The following PKIB variants were observed in gnomAD, a reference collection of about 807,000 sequenced individuals.
The protein encoded by PKIB is PKI-beta.
A neutral mutation model predicts 4.5 loss-of-function variants in PKIB; 2 were observed. The ratio of observed to expected loss-of-function variants is 0.44; its 90% CI spans 0.18 to 1.39. PKIB has a LOEUF of 1.39. PKIB is among the 40% of genes most tolerant of loss of function. PKIB has a pLI of 0.27. For missense variants in PKIB, 94 were observed against 92.6 expected, an observed-to-expected ratio of 1.02 and a Z score of -0.06; for synonymous variants, 38 against 36.0, an observed-to-expected ratio of 1.06 and a Z score of -0.20.
intron 2 of PKIB, among the ~76,000 whole-genome samples, chr6:122,504,877 G>T (rs886984586): frequency 5.9e-5 from 9 of 152,208 alleles, no homozygotes; most frequent in African/African-American, 2.2e-4. Context: ...CATCCGTAGG[G>T]TATCCGAAGT....
chr6:122,566,942 G>A (rs1773212787), intron 2 of PKIB, among the ~76,000 whole-genome samples: 1 of 152,226 alleles, frequency 6.6e-6, no homozygotes, highest in East Asian at 1.9e-4. Context: ...AGGCTGCAGT[G>A]CAATTGCAAG....
chr6:122,494,772 CT>C (rs1484484439), intron 2 of PKIB, among the ~76,000 whole-genome samples: 9 of 152,128 alleles, frequency 5.9e-5, no homozygotes, highest in African/African-American at 2.2e-4. Flanking sequence ...AGGCAGCCTC[CT>C]ACTCAGAACT....
Position 122,675,151 on chromosome 6 carries a change from A to G in PKIB, c.-9+7A>G, listed in dbSNP as rs1777622569. 3 of 152,584 alleles carry G rather than the reference A, an allele frequency of 2.0e-5. No homozygotes were observed. Among genetic ancestry groups the G allele is most frequent in the African/African-American group, 4.8e-5 (2 of 41,438 alleles). 9.5% of individuals were successfully genotyped at this position (152,584 alleles called of 1,614,324 possible). Reference sequence around the variant, plus strand: ...ATATTTTAATCAGAGATTTGTAAGTATCCTTTTCTTCTTTATTTAGGAAAT... The same window carrying G: ...ATATTTTAATCAGAGATTTGTAAGTGTCCTTTTCTTCTTTATTTAGGAAAT... On this transcript the variant is annotated splice_region_variant and intron_variant, in intron 3 of 4. Coordinates refer to ENST00000368452, the MANE Select transcript of PKIB (RefSeq NM_181795.3).
chr6:122,652,986 A>G (rs551645013), intron 2 of PKIB, among the ~76,000 whole-genome samples: 1 of 152,168 alleles, frequency 6.6e-6, no homozygotes, highest in South Asian at 2.1e-4. Flanking sequence ...TCCATAACAG[A>G]GTGGGGTCAT....
At chr6:122,692,505 T>G (rs779057848) in intron 3 of PKIB, among the ~76,000 whole-genome samples, 4 of 152,146 alleles carry the variant, frequency 2.6e-5, no homozygotes, top group Admixed American at 6.5e-5. Context: ...AGGCCATTGC[T>G]TATTTTCACT....
chr6:122,531,990 A>C (rs950745787), intron 2 of PKIB, among the ~76,000 whole-genome samples: 1 of 152,200 alleles, frequency 6.6e-6, no homozygotes, highest in African/African-American at 2.4e-5. Flanking sequence ...CAGACTTACC[A>C]CATTTTCAGT....
intron 4 of PKIB, among the ~76,000 whole-genome samples, chr6:122,722,660 G>T (rs34551263): frequency 0.28 from 43,080 of 152,056 alleles, 7,815 homozygotes; most frequent in Non-Finnish European, 0.41. Flanking sequence ...ATTTTTCTAA[G>T]GGATTTCTTT....
At chr6:122,480,488 G>T (rs1016808773) in intron 2 of PKIB, 4 of 152,112 alleles carry the variant, frequency 2.6e-5, no homozygotes, top group Non-Finnish European at 5.9e-5. Context: ...TAATGATAAA[G>T]AACAACTACA....
In PKIB at chr6:122,503,372, T is replaced by A. The variant is rs867428949; in HGVS notation, c.-248+25433T>A. On this transcript the variant is annotated intron_variant, in intron 2 of 6. Coordinates refer to the PKIB transcript ENST00000392491. ...GCTTGTAAATTTATCCAAATGCTAT[T>A]ATTGTTATGGAGAGTTGTTATTCAA... 1.1e-3 allele frequency among the ~76,000 whole-genome samples: 175 copies of A among 152,354 alleles called. 1 individual carries two copies. Among genetic ancestry groups the A allele is most frequent in the African/African-American group, 4.1e-3 (169 of 41,586 alleles).
intron 2 of PKIB, chr6:122,481,410 C>A (rs1775605468): frequency 6.6e-6 from 1 of 152,148 alleles, no homozygotes; most frequent in Admixed American, 6.5e-5. Context: ...GGATTAGATA[C>A]TGGAGCAGAA....
intron 2 of PKIB, among the ~76,000 whole-genome samples, chr6:122,561,882 C>A (rs1285946765): frequency 6.7e-6 from 1 of 149,768 alleles, no homozygotes; most frequent in Non-Finnish European, 1.5e-5. Flanking sequence ...GGTTCTATAT[C>A]TTTTAAATGG....
chr6:122,703,872 A>G (rs1327204795), intron 3 of PKIB, among the ~76,000 whole-genome samples: 17 of 149,592 alleles, frequency 1.1e-4, no homozygotes, highest in African/African-American at 3.7e-4. Flanking sequence ...CTACGTAAGA[A>G]CGGCAAAAAT....
chr6:122,546,514 A>G (rs1420238818), intron 2 of PKIB, among the ~76,000 whole-genome samples: 2 of 152,196 alleles, frequency 1.3e-5, no homozygotes, highest in Middle Eastern at 6.8e-3. Context: ...GAGCTATTTA[A>G]CTGTTTACCA....
intron 2 of PKIB, among the ~76,000 whole-genome samples, chr6:122,527,816 C>T (rs990029794): frequency 1.3e-5 from 2 of 152,106 alleles, no homozygotes; most frequent in African/African-American, 4.8e-5. Context: ...TTGCTTGATG[C>T]GAGGTTGCCA....
At chr6:122,541,720 A>T (rs1352212462) in intron 2 of PKIB, among the ~76,000 whole-genome samples, 2 of 151,770 alleles carry the variant, frequency 1.3e-5, no homozygotes, top group Non-Finnish European at 2.9e-5. Context: ...CTGAATCTGA[A>T]TGTTGGCCTG....
chr6:122,561,250 G>T (rs898577754), intron 2 of PKIB, among the ~76,000 whole-genome samples: 3 of 151,796 alleles, frequency 2.0e-5, no homozygotes, highest in African/African-American at 7.3e-5. Flanking sequence ...CATTATTGCC[G>T]TTCAGTTTGA....
intron 2 of PKIB, among the ~76,000 whole-genome samples, chr6:122,530,360 C>T (rs966039639): frequency 6.6e-6 from 1 of 151,986 alleles, no homozygotes; most frequent in Non-Finnish European, 1.5e-5. Flanking sequence ...TATCTGTATT[C>T]TCTTTTAGCT....
chr6:122,692,647 G>A (rs1032663324), intron 3 of PKIB, among the ~76,000 whole-genome samples: 2 of 114,150 alleles, frequency 1.8e-5, no homozygotes, highest in African/African-American at 5.8e-5. Flanking sequence ...GCCTAGAATT[G>A]GGGCCTCACA....
intron 2 of PKIB, among the ~76,000 whole-genome samples, chr6:122,637,772 T>C (rs909164620): frequency 6.7e-6 from 1 of 150,354 alleles, no homozygotes; most frequent in Admixed American, 6.6e-5. Flanking sequence ...AAAAAAATCA[T>C]AATAATTAAT....
Sources: allele counts gnomAD v4.1 joint callset (sites outside exome capture counted in the v4.1 genomes callset), GRCh38; gene constraint gnomAD v4.1.1; transcripts MANE v1.5; gene names NCBI Gene and HGNC (gene_info 2026-07-23, HGNC 2026-07-21).